Variants in MIGA2 observed in about 807,000 individuals in gnomAD.
MIGA2 encodes family with sequence similarity 73, member B.
In MIGA2, 36 loss-of-function variants were observed where a neutral mutation model predicts 69.9. The observed-to-expected ratio is 0.52, with a 90% CI of 0.39 to 0.68. MIGA2 has a LOEUF of 0.68. MIGA2 is among the 30% of genes least tolerant of loss of function. The pLI is 0.00. For missense variants in MIGA2, 660 were observed against 787.7 expected, an observed-to-expected ratio of 0.84 and a Z score of 1.94; for synonymous variants, 333 against 349.2, an observed-to-expected ratio of 0.95 and a Z score of 0.52.
At position 129,061,358 on chromosome 9, in the gene MIGA2, TGGAGGGAG is replaced by T; in HGVS notation, c.1010+25_1010+32del. 8 of 881,754 alleles carry T rather than the reference TGGAGGGAG, an allele frequency of 9.1e-6. No individual in the cohort carries two copies. Among genetic ancestry groups the T allele is most frequent in the East Asian group, 3.5e-5 (1 of 28,420 alleles). The allele number at this position is 881,754 out of a possible 1,614,324, so 54.6% of individuals were successfully genotyped here. The stretch of plus-strand genomic sequence containing the variant: ...TGCCGGACCCTCAGGTGAGCAGGTG[TGGAGGGAG>T]GGAGGGAGGGAGCAGGAGGCGATGG... On this transcript the variant is annotated intron_variant, in intron 9 of 15. Transcript: ENST00000684074. This position sits in a 1 kb window ranked among gnomAD's most constrained non-coding sequence, Gnocchi z 5.0.
chr9:129,059,340 G>A lies in MIGA2; in HGVS notation c.793+69G>A, dbSNP rs1845949344. On this transcript the variant is annotated intron_variant, in intron 7 of 15. Transcript: ENST00000684074. The surrounding 1 kb of genome is among the most constrained non-coding windows in gnomAD (Gnocchi z 5.6). ...AGGGATGGAGGTGAGGAGAAGTTGC[G>A]AGAACCGGGTCGTGGTTCTCTCAGT... The A allele has an allele frequency of 3.9e-6, 5 of 1,280,816 alleles. No individual in the cohort carries two copies. Among genetic ancestry groups the A allele is most frequent in the East Asian group, 2.6e-5 (1 of 39,102 alleles). The allele number at this position is 1,280,816 out of a possible 1,614,324, so 79.3% of individuals were successfully genotyped here. A position where few individuals can be genotyped will look rare whatever the true frequency, so the allele number is the denominator to read the frequency against.
intron 6 of MIGA2, among the ~76,000 whole-genome samples, chr9:129,054,142 A>G (rs2131367490): frequency 6.6e-6 from 1 of 152,284 alleles, no homozygotes; most frequent in Non-Finnish European, 1.5e-5. Flanking sequence ...TCAGTTTTGG[A>G]GCATTTTTAT....
chr9:129,043,387 T>C (rs985035063), intron 3 of MIGA2, among the ~76,000 whole-genome samples: 19 of 146,048 alleles, frequency 1.3e-4, no homozygotes, highest in Non-Finnish European at 1.7e-4. Flanking sequence ...GTTCTCTCTT[T>C]TTTTTTTTTT....
At position 129,060,058 on chromosome 9, in the gene MIGA2, C is replaced by T. The variant is rs952858087; in HGVS notation, c.794-492C>T. ...TGCTTATTTGCTCGACAATCCTTTC[C>T]TGAGCACCCTTGGAGGTCCACACCC... On this transcript the variant is annotated intron_variant, in intron 7 of 15. Transcript: ENST00000684074. This position sits in a 1 kb window ranked among gnomAD's most constrained non-coding sequence, Gnocchi z 4.8. 2.0e-5 allele frequency among the ~76,000 whole-genome samples: 3 copies of T among 152,206 alleles called. No homozygotes were observed. Among genetic ancestry groups the T allele is most frequent in the African/African-American group, 7.2e-5 (3 of 41,458 alleles).
chr9:129,054,668 A>T (rs1355214725), intron 6 of MIGA2, among the ~76,000 whole-genome samples: 1 of 152,142 alleles, frequency 6.6e-6, no homozygotes, highest in Non-Finnish European at 1.5e-5. Flanking sequence ...TCCAAGGTTC[A>T]TCTGTGTTGC....
rs1846083459 is a variant in MIGA2, at chr9:129,061,890, C to T, written c.1010+544C>T. The stretch of plus-strand genomic sequence containing the variant: ...CCAAGTTCTGCCACCCTGAACAAGT[C>T]GCTTAACTTCTCTTAGCCTCAGTTT... On this transcript the variant is annotated intron_variant, in intron 9 of 15. Transcript: ENST00000684074. This position sits in a 1 kb window ranked among gnomAD's most constrained non-coding sequence, Gnocchi z 5.0. Among the ~76,000 whole-genome samples, 3 of 152,276 alleles carry T rather than the reference C, an allele frequency of 2.0e-5. 1 individual carries two copies. The highest frequency in any genetic ancestry group is 6.8e-3 in the Middle Eastern group (2 of 294).
chr9:129,070,044 G>A (rs1846587505), intron 15 of MIGA2, 79 bp downstream of exon 15: 2 of 1,332,162 alleles, frequency 1.5e-6, no homozygotes, highest in Admixed American at 2.1e-5. Context: ...GGAATGGGAT[G>A]AGGGCCTGGG....
chr9:129,057,370 T>C (rs111584476), intron 6 of MIGA2, among the ~76,000 whole-genome samples: 331 of 149,664 alleles, frequency 2.2e-3, no homozygotes, highest in Admixed American at 5.9e-3. Flanking sequence ...CTCGGCTCAC[T>C]GCAAGCTCCC....
chr9:129,045,324 C>A (rs1564602940), intron 3 of MIGA2, among the ~76,000 whole-genome samples: 1 of 150,644 alleles, frequency 6.6e-6, no homozygotes, highest in African/African-American at 2.4e-5. Context: ...TGCCTGTAAT[C>A]CCAGCTATTT....
chr9:129,059,303 G>A lies in MIGA2; in HGVS notation c.793+32G>A, dbSNP rs17433143. 37,121 of 1,505,310 alleles carry A rather than the reference G, an allele frequency of 0.025. 529 individuals carry two copies. Among genetic ancestry groups the A allele is most frequent in the South Asian group, 0.032 (2,646 of 83,700 alleles). The allele number at this position is 1,505,310 out of a possible 1,614,324, so 93.2% of individuals were successfully genotyped here. ...TGGGCCCAGTGCAGGTGGGGTGGGC[G>A]TGGAGGGTGGCAGGGATGGAGGTGA... is the stretch of plus-strand genomic sequence containing the variant. On this transcript the variant is annotated intron_variant, in intron 7 of 15. Coordinates refer to ENST00000684074, the MANE Select transcript of MIGA2 (RefSeq NM_001329990.2). The surrounding 1 kb of genome is among the most constrained non-coding windows in gnomAD (Gnocchi z 5.6).
chr9:129,068,781 C>T lies in MIGA2; in HGVS notation c.1405-295C>T, dbSNP rs998838786. The T allele has an allele frequency of 1.7e-5, 8 of 483,306 alleles. No individual in the cohort carries two copies. The highest frequency in any genetic ancestry group is 7.8e-5 in the African/African-American group (4 of 51,404). 29.9% of individuals were successfully genotyped at this position (483,306 alleles called of 1,614,324 possible). On this transcript the variant is annotated intron_variant, in intron 13 of 15. Coordinates refer to ENST00000684074, the MANE Select transcript of MIGA2 (RefSeq NM_001329990.2). This position sits in a 1 kb window ranked among gnomAD's most constrained non-coding sequence, Gnocchi z 4.1. ...CTGCGAGGTGGTTTACAGGCGGGAA[C>T]CATTGCTCCCACAACCACCAAAGGA...
intron 6 of MIGA2, 126 bp downstream of exon 6, chr9:129,050,089 G>A (rs1185436836): frequency 3.1e-6 from 4 of 1,273,614 alleles, no homozygotes; most frequent in Non-Finnish European, 4.3e-6. Flanking sequence ...CTCTATGAGG[G>A]TGTCTTGATG....
intron 5 of MIGA2, 113 bp from the exon 6 acceptor site, chr9:129,049,714 T>C: frequency 6.5e-7 from 1 of 1,540,666 alleles, no homozygotes; most frequent in South Asian, 1.1e-5. Context: ...GGCCACACGG[T>C]CCCACCCAGT....
chr9:129,068,458 G>T lies in MIGA2; in HGVS notation c.1404+126G>T. ...GCCCCCACCCCCTAGATCCGCGGCT[G>T]CCAGGCCTGGGAGACCAGAGTCTGC... is the stretch of plus-strand genomic sequence containing the variant. On this transcript the variant is annotated intron_variant, in intron 13 of 15. Transcript: ENST00000684074. This position sits in a 1 kb window ranked among gnomAD's most constrained non-coding sequence, Gnocchi z 4.1. The T allele has an allele frequency of 1.5e-6, 2 of 1,362,720 alleles. No individual in the cohort carries two copies. The highest frequency in any genetic ancestry group is 2.5e-5 in the East Asian group (1 of 39,838). The allele number at this position is 1,362,720 out of a possible 1,614,324, so 84.4% of individuals were successfully genotyped here.
chr9:129,063,115 A>G (rs1305697238), intron 9 of MIGA2, 129 bp from the exon 10 acceptor site: 5 of 879,110 alleles, frequency 5.7e-6, no homozygotes, highest in Non-Finnish European at 8.9e-6. Flanking sequence ...CAGAGGCCAC[A>G]CTGCCAGGCT....
intron 6 of MIGA2, among the ~76,000 whole-genome samples, chr9:129,053,542 T>C (rs1209303078): frequency 1.3e-5 from 2 of 152,034 alleles, no homozygotes; most frequent in Non-Finnish European, 2.9e-5. Flanking sequence ...TTTTTTTGTA[T>C]TTTTAGTAGA....
At chr9:129,056,795 G>A (rs1203340579) in intron 6 of MIGA2, among the ~76,000 whole-genome samples, 1 of 152,100 alleles carries the variant, frequency 6.6e-6, no homozygotes. Flanking sequence ...TGGGATTACA[G>A]GCATGAGCCA....
At chr9:129,052,027 T>C (rs181521646) in intron 6 of MIGA2, among the ~76,000 whole-genome samples, 22 of 152,022 alleles carry the variant, frequency 1.4e-4, no homozygotes, top group Admixed American at 1.1e-3. Context: ...AGGGTTTCAC[T>C]GTGTTAGCCA....
intron 6 of MIGA2, among the ~76,000 whole-genome samples, chr9:129,054,644 C>T (rs1348668270): frequency 2.0e-5 from 3 of 152,236 alleles, no homozygotes; most frequent in Admixed American, 6.5e-5. Context: ...CCTCCTTTCA[C>T]ATAGCAGAGT....
Sources: gnomAD v4.1 joint callset for allele counts (sites outside exome capture counted in the v4.1 genomes callset) on GRCh38, gnomAD v4.1.1 for gene constraint, Gnocchi (gnomAD v3.1) non-coding constraint, MANE v1.5 for transcripts, NCBI Gene and HGNC (gene_info 2026-07-23, HGNC 2026-07-21) for gene names.